The following SCN1A variants were observed in gnomAD, a reference collection of about 807,000 sequenced individuals.
The protein encoded by SCN1A is sodium channel protein type 1 subunit alpha.
SCN1A carries 13 observed loss-of-function variants against 193.7 expected under a neutral mutation model. The observed-to-expected ratio is 0.07, with a 90% CI of 0.04 to 0.11. SCN1A has a LOEUF of 0.11. Ranked by LOEUF, SCN1A falls within the 10% of genes least tolerant of loss-of-function variation. The pLI, the probability that SCN1A is intolerant of heterozygous loss-of-function variation, is 1.00. For synonymous variants in SCN1A, 781 were observed against 843.6 expected (o/e 0.93, Z 1.29); for missense variants, 1,432 against 2,451.1 (o/e 0.58, Z 8.78).
At chr2:166,130,482 C>A (rs895325610), upstream of SCN1A, among the ~76,000 whole-genome samples, 2 of 152,024 alleles carry the variant, frequency 1.3e-5, no homozygotes, top group Admixed American at 1.3e-4. Context: ...CTTGGCAGAC[C>A]TTTCATCCAT....
At chr2:166,125,008 A>G (rs1691074386) in intron 2 of SCN1A, among the ~76,000 whole-genome samples, 1 of 152,220 alleles carries the variant, frequency 6.6e-6, no homozygotes, top group African/African-American at 2.4e-5. Context: ...ACAAAATTTA[A>G]AAGTTGGAAA....
intron 2 of SCN1A, chr2:166,109,540 G>A (rs2106188575): frequency 6.6e-6 from 1 of 152,578 alleles, no homozygotes; most frequent in South Asian, 2.1e-4. Context: ...CATCCAGCAA[G>A]TCAATTTTGG....
At chr2:166,002,951 T>C (rs994421218) in intron 23 of SCN1A, 198 bp from the exon 24 acceptor site, 1 of 422,132 alleles carries the variant, frequency 2.4e-6, no homozygotes, top group African/African-American at 2.1e-5. Context: ...AAAACAACTA[T>C]AGGCAATATA....
intron 1 of SCN1A, among the ~76,000 whole-genome samples, chr2:166,135,975 C>T (rs771876804): frequency 3.9e-5 from 6 of 152,330 alleles, no homozygotes; most frequent in African/African-American, 1.4e-4. Flanking sequence ...CATACCTGTT[C>T]ATCTGCAGTG....
intron 4 of SCN1A, among the ~76,000 whole-genome samples, chr2:166,068,313 A>T (rs768771349): frequency 4.9e-4 from 74 of 152,344 alleles, no homozygotes; most frequent in Non-Finnish European, 8.2e-4. Flanking sequence ...TTTATTGATC[A>T]ACATCACCAT....
At chr2:166,073,153 TG>T (rs1684632949) in intron 4 of SCN1A, 3 of 605,280 alleles carry the variant, frequency 5.0e-6, no homozygotes, top group African/African-American at 1.9e-5. Flanking sequence ...TTATTTGTCA[TG>T]GTGCATTTGG....
Position 166,087,414 on chromosome 2 carries a change from C to A in SCN1A, c.-141-9613G>T, listed in dbSNP as rs190426101. On this transcript the variant is annotated intron_variant, in intron 2 of 28. Coordinates refer to ENST00000674923, the MANE Select transcript of SCN1A (RefSeq NM_001165963.4). ...CTGGGAAGCTGGGAGGGAGAGGTTGCGGTGAGCCAAGAGCATGCCATTGCA... is the reference window on the plus strand; with the variant it reads ...CTGGGAAGCTGGGAGGGAGAGGTTGAGGTGAGCCAAGAGCATGCCATTGCA... 1.4e-3 allele frequency among the ~76,000 whole-genome samples: 217 copies of A among 152,110 alleles called. 1 individual carries two copies. Among genetic ancestry groups the A allele is most frequent in the African/African-American group, 4.3e-3 (180 of 41,514 alleles).
chr2:166,110,902 T>C (rs1689226151), intron 2 of SCN1A, among the ~76,000 whole-genome samples: 1 of 152,174 alleles, frequency 6.6e-6, no homozygotes. Flanking sequence ...GGAGTTGCTC[T>C]ACACAAACTT....
At position 166,007,631 on chromosome 2, in the gene SCN1A, GTGA is replaced by G. The variant is rs1413558931; in HGVS notation, c.4002+2085_4002+2087del. On this transcript the variant is annotated intron_variant, in intron 23 of 28. Coordinates refer to ENST00000674923, the MANE Select transcript of SCN1A (RefSeq NM_001165963.4). Reference sequence around the variant, plus strand: ...AAACATGCAAAACACAAAGTGCAACGTGATGATAATTTATTTGTTACTTTCTAA... The same window carrying G: ...AAACATGCAAAACACAAAGTGCAACGTGATAATTTATTTGTTACTTTCTAA... 2.0e-5 allele frequency among the ~76,000 whole-genome samples: 3 copies of G among 151,322 alleles called. No individual in the cohort carries two copies. The highest frequency in any genetic ancestry group is 1.9e-4 in the East Asian group (1 of 5,146).
intron 20 of SCN1A, among the ~76,000 whole-genome samples, chr2:166,014,936 A>T (rs1040551211): frequency 9.9e-5 from 15 of 151,770 alleles, no homozygotes; most frequent in African/African-American, 3.6e-4. Flanking sequence ...TTTGAAAAGG[A>T]CATTAAGTGA....
Position 166,076,868 on chromosome 2 carries a change from C to T in SCN1A, c.-50+842G>A, listed in dbSNP as rs115442843. 5.8e-3 allele frequency among the ~76,000 whole-genome samples: 884 copies of T among 151,194 alleles called. 9 individuals are homozygous for T. Among genetic ancestry groups the T allele is most frequent in the African/African-American group, 0.021 (851 of 41,336 alleles). On this transcript the variant is annotated intron_variant, in intron 3 of 28. Transcript: ENST00000674923. Reference sequence around the variant, plus strand: ...AAAAAAAATGAACCTAGACCTTATGCCTTTCACAAAAAATAATTCAAAATG... The same window carrying T: ...AAAAAAAATGAACCTAGACCTTATGTCTTTCACAAAAAATAATTCAAAATG...
At chr2:166,054,448 C>G (rs899979835) in intron 7 of SCN1A, among the ~76,000 whole-genome samples, 190 bp downstream of exon 7, 3 of 151,916 alleles carry the variant, frequency 2.0e-5, no homozygotes, top group African/African-American at 7.2e-5. Context: ...TAGTTTTCAA[C>G]TACTGCAAAG....
chr2:166,117,788 A>C (rs576790735), intron 2 of SCN1A, among the ~76,000 whole-genome samples: 26 of 151,978 alleles, frequency 1.7e-4, no homozygotes, highest in Non-Finnish European at 3.7e-4. Context: ...CGAGATCAGG[A>C]GTTCAGCCTG....
chr2:166,091,633 A>G (rs1574455511), intron 2 of SCN1A, among the ~76,000 whole-genome samples: 1 of 152,358 alleles, frequency 6.6e-6, no homozygotes, highest in Middle Eastern at 3.4e-3. Flanking sequence ...TTAAACCGAT[A>G]CATCTTGCTG....
chr2:165,997,941 C>G, intron 26 of SCN1A, 97 bp downstream of exon 26: 2 of 908,728 alleles, frequency 2.2e-6, no homozygotes, highest in South Asian at 2.8e-5. Context: ...TATATACTCC[C>G]ATTTTGTTTC....
rs767900979 is a variant in SCN1A at position 165,989,602 on chromosome 2, A to G, written c.*1643T>C. On this transcript the variant is annotated 3_prime_UTR_variant, in exon 29 of 29. Coordinates refer to ENST00000674923, the MANE Select transcript of SCN1A (RefSeq NM_001165963.4). Reference sequence around the variant, plus strand: ...TCGTGAACCTATTTTGCTCCTTAAAATTGTGAAATAATCTAAAATTAGCAA... The same window carrying G: ...TCGTGAACCTATTTTGCTCCTTAAAGTTGTGAAATAATCTAAAATTAGCAA... The G allele has an allele frequency of 6.6e-6, 1 of 152,504 alleles. No individual in the cohort carries two copies. The highest frequency in any genetic ancestry group is 1.5e-5 in the Non-Finnish European group (1 of 68,016). 9.4% of individuals were successfully genotyped at this position (152,504 alleles called of 1,614,324 possible).
intron 2 of SCN1A, among the ~76,000 whole-genome samples, chr2:166,078,388 T>A (rs1247827653): frequency 2.0e-5 from 3 of 147,252 alleles, no homozygotes; most frequent in Non-Finnish European, 3.0e-5. Flanking sequence ...TTAATTTTCT[T>A]CCATTGTATT....
upstream of SCN1A, among the ~76,000 whole-genome samples, chr2:166,130,847 A>C (rs1018463710): frequency 1.3e-5 from 2 of 152,206 alleles, no homozygotes; most frequent in East Asian, 3.9e-4. Flanking sequence ...CAGACTGAGC[A>C]TAAAGGCAAA....
intron 19 of SCN1A, among the ~76,000 whole-genome samples, chr2:166,021,352 A>C (rs1694035330): frequency 6.6e-6 from 1 of 152,204 alleles, no homozygotes; most frequent in Admixed American, 6.5e-5. Flanking sequence ...ATAAATGAGC[A>C]TTAGTGTAAG....
Sources: gnomAD v4.1 joint callset for allele counts (sites outside exome capture counted in the v4.1 genomes callset) on GRCh38, gnomAD v4.1.1 for gene constraint, MANE v1.5 for transcripts, NCBI Gene and HGNC (gene_info 2026-07-23, HGNC 2026-07-21) for gene names.